DCAF6: variants seen among roughly 807,000 people sequenced by gnomAD.
The protein encoded by DCAF6 is DDB1- and CUL4-associated factor 6.
A neutral mutation model predicts 125.1 loss-of-function variants in DCAF6; 54 were observed. That is an observed-to-expected ratio of 0.43 (90% CI 0.35 to 0.54). The LOEUF (loss-of-function observed/expected upper bound fraction) is 0.54. Ranked by LOEUF, DCAF6 falls within the 20% of genes least tolerant of loss-of-function variation. DCAF6 has a pLI of 0.01. For synonymous variants in DCAF6, 371 were observed against 390.4 expected, an observed-to-expected ratio of 0.95 and a Z score of 0.58; for missense variants, 934 against 1,161.7, an observed-to-expected ratio of 0.80 and a Z score of 2.85.
chr1:168,008,880 A>ACCCTGCCCCCC (rs1683755600), intron 10 of DCAF6, among the ~76,000 whole-genome samples: 1 of 21,840 alleles, frequency 4.6e-5, no homozygotes, highest in Admixed American at 5.3e-4. Flanking sequence ...CCCTGCCCCC[A>ACCCTGCCCCCC]CCCCCTCCCC....
chr1:168,045,193 C>A lies in DCAF6; in HGVS notation c.2224C>A (p.Pro742Thr), dbSNP rs375656740. Residue 742 changes from proline to threonine, a missense_variant, in exon 16 of 22, where the codon CCA (proline) becomes ACA (threonine). By Grantham distance (38) the Pro-to-Thr change is conservative (BLOSUM62 -1). This residue lies in a region of DCAF6 where 559 missense variants were observed against 635.5 expected (regional missense o/e 0.88). Coordinates refer to ENST00000367840, the MANE Select transcript of DCAF6 (RefSeq NM_001198956.2). The part of the protein sequence containing the change: ...DDSDDDPVLI[P>T]GARYRAGPGD... ...CAGTGATGATGACCCAGTCCTGATC[C>A]CAGGTGCAAGGTATCGAGCAGGACC... 14 of 1,613,126 alleles carry A rather than the reference C, an allele frequency of 8.7e-6. No individual in the cohort carries two copies. In the South Asian group the frequency reaches 1.5e-4, roughly 18 times the overall value.
chr1:167,936,860 C>A lies in DCAF6; in HGVS notation c.-52C>A, dbSNP rs1404039225. On this transcript the variant is annotated 5_prime_UTR_variant, in exon 1 of 22. Transcript: ENST00000367840. ...GTTGAAACGGGTGTCCCCTCCCCCT[C>A]CTCCCCTCCCCCACGCGGTGGTCTC... 33 of 1,280,092 alleles carry A rather than the reference C, an allele frequency of 2.6e-5. No individual in the cohort carries two copies. The highest frequency in any genetic ancestry group is 3.1e-5 in the Non-Finnish European group (28 of 902,618). The allele number at this position is 1,280,092 out of a possible 1,614,324, so 79.3% of individuals were successfully genotyped here. A position where few individuals can be genotyped will look rare whatever the true frequency, so the allele number is the denominator to read the frequency against.
the DCAF6 span, among the ~76,000 whole-genome samples, chr1:167,891,655 CAAAA>C: frequency 9.3e-6 from 1 of 107,696 alleles, no homozygotes. Context: ...GACTCTGTCT[CAAAA>C]AAAAAAAAAA....
chr1:167,901,733 C>T, the DCAF6 span: 16 of 1,614,200 alleles, frequency 9.9e-6, no homozygotes, highest in Non-Finnish European at 1.3e-5. Flanking sequence ...CTCCAGGCTA[C>T]ATTTAATTAC....
intron 11 of DCAF6, among the ~76,000 whole-genome samples, chr1:168,021,886 T>G (rs1476348487): frequency 6.6e-6 from 1 of 152,242 alleles, no homozygotes; most frequent in African/African-American, 2.4e-5. Flanking sequence ...TATGCCATTA[T>G]GAGCAGAAAC....
At chr1:167,929,309 A>G in the DCAF6 span, among the ~76,000 whole-genome samples, 5 of 152,274 alleles carry the variant, frequency 3.3e-5, no homozygotes, top group African/African-American at 1.2e-4. Context: ...CAGTGAGCCG[A>G]GATTGCACCA....
chr1:167,962,769 A>G (rs1675815967), intron 2 of DCAF6, among the ~76,000 whole-genome samples: 5 of 152,164 alleles, frequency 3.3e-5, no homozygotes. Context: ...AGCCTGGCCA[A>G]CGTGGCAAAA....
At chr1:168,027,402 C>T (rs530821822) in intron 12 of DCAF6, among the ~76,000 whole-genome samples, 2 of 152,098 alleles carry the variant, frequency 1.3e-5, no homozygotes, top group African/African-American at 4.8e-5. Context: ...TAACCTTTAC[C>T]AAGATTCTTG....
chr1:168,002,625 A>G, intron 8 of DCAF6, 50 bp downstream of exon 8: 2 of 1,384,882 alleles, frequency 1.4e-6, no homozygotes, highest in Non-Finnish European at 2.0e-6. Flanking sequence ...TTTAAAATTA[A>G]TATTTTAACT....
At chr1:167,981,490 A>G (rs1165360944) in intron 4 of DCAF6, among the ~76,000 whole-genome samples, 2 of 152,172 alleles carry the variant, frequency 1.3e-5, no homozygotes, top group African/African-American at 4.8e-5. Context: ...GGAACTGAGC[A>G]TAGTACCCAG....
chr1:167,981,051 C>T (rs766538223), intron 4 of DCAF6, among the ~76,000 whole-genome samples: 9 of 151,410 alleles, frequency 5.9e-5, no homozygotes, highest in Admixed American at 1.3e-4. Context: ...GGATTACAGG[C>T]GCATGCCACC....
the DCAF6 span, among the ~76,000 whole-genome samples, chr1:167,887,956 G>A: frequency 6.6e-6 from 1 of 152,046 alleles, no homozygotes; most frequent in Non-Finnish European, 1.5e-5. Flanking sequence ...CTTGATTTTT[G>A]TATATAGCAA....
the DCAF6 span, chr1:167,883,504 T>A: frequency 6.2e-7 from 1 of 1,614,142 alleles, no homozygotes; most frequent in African/African-American, 1.3e-5. Flanking sequence ...GATGTGCATA[T>A]AGGCATCCTG....
intron 2 of DCAF6, among the ~76,000 whole-genome samples, chr1:167,957,449 GA>G (rs1448724787): frequency 6.6e-6 from 1 of 152,038 alleles, no homozygotes; most frequent in African/African-American, 2.4e-5. Flanking sequence ...TCCTTTTTAT[GA>G]TTGAATAAAT....
At chr1:167,982,311 G>A (rs1175309361) in intron 4 of DCAF6, among the ~76,000 whole-genome samples, 3 of 151,908 alleles carry the variant, frequency 2.0e-5, no homozygotes, top group African/African-American at 7.3e-5. Context: ...GTGCGATCTC[G>A]GCTCACAGCA....
the DCAF6 span, chr1:167,883,447 A>C: frequency 6.2e-7 from 1 of 1,614,214 alleles, no homozygotes; most frequent in Non-Finnish European, 8.5e-7. Context: ...CTTGTCAAAC[A>C]TGAAGACTTT....
At chr1:167,882,211 G>A in the DCAF6 span, among the ~76,000 whole-genome samples, 2 of 152,290 alleles carry the variant, frequency 1.3e-5, no homozygotes, top group South Asian at 4.1e-4. Context: ...AAGACCAGGT[G>A]CAGTGGCTCA....
At chr1:168,020,154 T>C (rs945160229) in intron 11 of DCAF6, among the ~76,000 whole-genome samples, 1 of 152,244 alleles carries the variant, frequency 6.6e-6, no homozygotes, top group Non-Finnish European at 1.5e-5. Flanking sequence ...TCCTATGTGC[T>C]GTCTGAATAT....
chr1:168,011,922 G>A (rs374350864), intron 10 of DCAF6, among the ~76,000 whole-genome samples: 1 of 152,050 alleles, frequency 6.6e-6, no homozygotes, highest in African/African-American at 2.4e-5. Flanking sequence ...GCAGTGAGCC[G>A]AGATCACTCC....
Sources: gnomAD v4.1 joint callset for allele counts (sites outside exome capture counted in the v4.1 genomes callset) on GRCh38, gnomAD v4.1.1 for gene constraint, gnomAD v4.1.1 regional missense constraint, MANE v1.5 for transcripts, NCBI Gene and HGNC (gene_info 2026-07-23, HGNC 2026-07-21) for gene names.